Variants in ARHGAP28 observed in about 807,000 individuals in gnomAD.
ARHGAP28 encodes the protein rho GTPase-activating protein 28.
Under a neutral mutation model 90.7 loss-of-function variants are expected in ARHGAP28, and 56 were observed. The observed-to-expected ratio is 0.62, with a 90% CI of 0.50 to 0.77. The LOEUF (loss-of-function observed/expected upper bound fraction) is 0.77, where lower values mean the gene tolerates loss of function less well. Among genes scored for constraint, ARHGAP28 ranks in the 30% least tolerant of loss-of-function variants. ARHGAP28 has a pLI of 0.00. For synonymous variants in ARHGAP28, 308 were observed against 323.3 expected, an observed-to-expected ratio of 0.95 and a Z score of 0.51; for missense variants, 869 against 900.9, an observed-to-expected ratio of 0.96 and a Z score of 0.45.
intron 10 of ARHGAP28, among the ~76,000 whole-genome samples, chr18:6,880,789 CT>C (rs1415746387): frequency 6.6e-6 from 1 of 152,174 alleles, no homozygotes; most frequent in Non-Finnish European, 1.5e-5. Context: ...CATGACTTTT[CT>C]TATAGCATGT....
At position 6,775,192 on chromosome 18, in the gene ARHGAP28, G is replaced by T. The variant is rs73382717; in HGVS notation, c.122+45249G>T. On this transcript the variant is annotated intron_variant, in intron 1 of 17. Coordinates refer to ENST00000383472, the MANE Select transcript of ARHGAP28 (RefSeq NM_001366230.1). ...GTTCTTGTTCTTGTCCTTTGTGATG[G>T]GTTTGGTTGGAGAGGAGGAGCGTTA... 1.5e-3 allele frequency among the ~76,000 whole-genome samples: 223 copies of T among 152,234 alleles called. 1 individual carries two copies. The highest frequency in any genetic ancestry group is 5.2e-3 in the African/African-American group (217 of 41,526).
chr18:6,829,224 C>A (rs942272115), intron 2 of ARHGAP28, among the ~76,000 whole-genome samples: 2 of 152,172 alleles, frequency 1.3e-5, no homozygotes, highest in African/African-American at 4.8e-5. Flanking sequence ...TCCCTTACCC[C>A]CTTTTTCTTA....
intron 13 of ARHGAP28, 123 bp downstream of exon 13, chr18:6,890,208 G>T (rs1473374373): frequency 1.2e-5 from 13 of 1,115,312 alleles, no homozygotes; most frequent in South Asian, 5.9e-5. Context: ...ACCCCAGGTG[G>T]CTGTGACAGC....
intron 2 of ARHGAP28, among the ~76,000 whole-genome samples, chr18:6,831,005 T>C (rs892708796): frequency 1.3e-5 from 2 of 152,238 alleles, no homozygotes; most frequent in African/African-American, 2.4e-5. Flanking sequence ...ACTGTGAAAC[T>C]GCCAGCATTT....
intron 17 of ARHGAP28, among the ~76,000 whole-genome samples, chr18:6,911,199 G>A (rs999550214): frequency 2.6e-5 from 4 of 152,128 alleles, no homozygotes; most frequent in Non-Finnish European, 4.4e-5. Context: ...AAAGACTTTC[G>A]AATACGTTTG....
intron 16 of ARHGAP28, among the ~76,000 whole-genome samples, chr18:6,903,224 C>T (rs2057346836): frequency 6.6e-6 from 1 of 152,102 alleles, no homozygotes; most frequent in Admixed American, 6.6e-5. Flanking sequence ...AAAACAGATG[C>T]TGGTTATGCT....
At chr18:6,857,293 G>T (rs2056961323) in intron 4 of ARHGAP28, among the ~76,000 whole-genome samples, 1 of 152,188 alleles carries the variant, frequency 6.6e-6, no homozygotes, top group African/African-American at 2.4e-5. Flanking sequence ...CTGTGTGGAG[G>T]ATGTTGTCAA....
Position 6,908,887 on chromosome 18 carries a change from G to A in ARHGAP28, c.2031-73G>A, listed in dbSNP as rs2057378699. The A allele has an allele frequency of 5.8e-6, 5 of 859,476 alleles. No individual in the cohort carries two copies. The East Asian group carries it at 1.0e-4, about 17-fold the overall frequency. The allele number at this position is 859,476 out of a possible 1,614,324, so 53.2% of individuals were successfully genotyped here. On this transcript the variant is annotated intron_variant, in intron 16 of 17. Transcript: ENST00000383472. ...GGCAGAATGAATTGTTTGTTGCCTGGTTATTTAACATGCATTTTTACCTCA... is the reference window on the plus strand; with the variant it reads ...GGCAGAATGAATTGTTTGTTGCCTGATTATTTAACATGCATTTTTACCTCA...
chr18:6,912,077 C>A lies in ARHGAP28; in HGVS notation c.2113C>A (p.Pro705Thr). 2 of 1,604,344 alleles carry A rather than the reference C, an allele frequency of 1.2e-6. No homozygotes were observed. The highest frequency in any genetic ancestry group is 1.1e-5 in the South Asian group (1 of 89,376). Reference sequence around the variant, plus strand: ...TCTTTTAGGAGAGCATTGCTTGGATCCAGATGCTTATATATTGGATGTATA... The same window carrying A: ...TCTTTTAGGAGAGCATTGCTTGGATACAGATGCTTATATATTGGATGTATA... The part of the protein sequence containing the change: ...GGNIGEHCLD[P>T]DAYILDVYRI... Residue 705 changes from proline to threonine, a missense_variant, in exon 18 of 18, where the codon CCA becomes ACA. Physicochemically the swap from Pro to Thr is conservative, Grantham distance 38. Coordinates refer to ENST00000383472, the MANE Select transcript of ARHGAP28 (RefSeq NM_001366230.1).
intron 3 of ARHGAP28, among the ~76,000 whole-genome samples, chr18:6,842,283 CT>C (rs1323313052): frequency 6.6e-6 from 1 of 152,184 alleles, no homozygotes; most frequent in Non-Finnish European, 1.5e-5. Context: ...GGAAGAGTCA[CT>C]TGAGCCTGGC....
At chr18:6,847,848 G>T (rs571009218) in intron 3 of ARHGAP28, among the ~76,000 whole-genome samples, 2 of 152,300 alleles carry the variant, frequency 1.3e-5, no homozygotes, top group South Asian at 4.2e-4. Flanking sequence ...ACTGCAAAGG[G>T]ATACAGAGCA....
chr18:6,794,347 T>G (rs138474784), intron 1 of ARHGAP28, among the ~76,000 whole-genome samples: 35 of 152,310 alleles, frequency 2.3e-4, no homozygotes, highest in Middle Eastern at 3.4e-3. Flanking sequence ...CTAGAGAAAT[T>G]GTCCGTTCTA....
At position 6,824,821 on chromosome 18, in the gene ARHGAP28, C is replaced by T; in HGVS notation, c.182C>T (p.Pro61Leu). 6.5e-7 allele frequency: 1 copy of T among 1,536,094 alleles called. No individual in the cohort carries two copies. The highest frequency in any genetic ancestry group is 8.7e-7 in the Non-Finnish European group (1 of 1,146,820). Reference protein sequence around the residue: ...NRMLSNESLHPPAFSRSNSEA... With the variant: ...NRMLSNESLHLPAFSRSNSEA... ...ATGCTCTCCAATGAATCCCTCCATC[C>T]TCCTGCCTTCAGCCGTTCCAACTCA... The change falls in exon 2 of 18, where the codon CCT (proline) becomes CTT (leucine). Residue 61 changes from proline to leucine, a missense_variant. Pro to Leu is a moderately conservative substitution (Grantham distance 98). Transcript: ENST00000383472.
chr18:6,844,696 C>T (rs569107473), intron 3 of ARHGAP28, among the ~76,000 whole-genome samples: 10 of 152,064 alleles, frequency 6.6e-5, no homozygotes, highest in African/African-American at 2.4e-4. Context: ...GAGGTATTAT[C>T]AATTCCCTGT....
At chr18:6,904,460 GAGA>G (rs1467321537) in intron 16 of ARHGAP28, among the ~76,000 whole-genome samples, 3 of 152,150 alleles carry the variant, frequency 2.0e-5, no homozygotes, top group African/African-American at 4.8e-5. Flanking sequence ...GCTGTGCTGA[GAGA>G]AGAATTTATA....
intron 5 of ARHGAP28, among the ~76,000 whole-genome samples, chr18:6,863,789 T>G (rs978170332): frequency 2.9e-5 from 4 of 139,962 alleles, no homozygotes; most frequent in African/African-American, 1.3e-4. Flanking sequence ...TTGTTTAATT[T>G]TTTTTTTTTT....
intron 1 of ARHGAP28, among the ~76,000 whole-genome samples, chr18:6,758,902 T>C (rs2056135562): frequency 2.0e-5 from 3 of 152,344 alleles, no homozygotes; most frequent in Admixed American, 6.5e-5. Flanking sequence ...AGTACTGCTT[T>C]AGATTTGTTG....
intron 1 of ARHGAP28, among the ~76,000 whole-genome samples, chr18:6,776,535 C>T (rs780584974): frequency 3.3e-5 from 5 of 152,212 alleles, no homozygotes; most frequent in Non-Finnish European, 7.3e-5. Flanking sequence ...AAGTGATCTG[C>T]CTGCCTCTGC....
intron 4 of ARHGAP28, among the ~76,000 whole-genome samples, chr18:6,856,005 CA>C (rs1172719536): frequency 1.1e-4 from 16 of 152,234 alleles, no homozygotes; most frequent in Non-Finnish European, 2.1e-4. Flanking sequence ...GCCAGTAGCA[CA>C]AGCCGAGTGC....
Sources: gnomAD v4.1 joint callset for allele counts (sites outside exome capture counted in the v4.1 genomes callset) on GRCh38, gnomAD v4.1.1 for gene constraint, MANE v1.5 for transcripts, NCBI Gene and HGNC (gene_info 2026-07-23, HGNC 2026-07-21) for gene names.